ADARB2: variants seen among roughly 807,000 people sequenced by gnomAD.
ADARB2 encodes adenosine deaminase RNA specific B2 (inactive).
In ADARB2, 25 loss-of-function variants were observed where a neutral mutation model predicts 62.2. That is an observed-to-expected ratio of 0.40 (90% CI 0.29 to 0.56). The LOEUF is 0.56. ADARB2 is among the 20% of genes least tolerant of loss of function. The pLI is 0.43. For missense variants in ADARB2, 1,071 were observed against 1,077.4 expected, an observed-to-expected ratio of 0.99 and a Z score of 0.08; for synonymous variants, 572 against 500.8, an observed-to-expected ratio of 1.14 and a Z score of -1.90.
intron 1 of ADARB2, among the ~76,000 whole-genome samples, chr10:1,733,801 C>T (rs924793447): frequency 1.3e-5 from 2 of 152,120 alleles, no homozygotes; most frequent in African/African-American, 4.8e-5. Flanking sequence ...AGTGCAATCT[C>T]CTGGTACTGT....
chr10:1,465,408 G>A (rs1266004492), intron 1 of ADARB2, among the ~76,000 whole-genome samples: 1 of 152,228 alleles, frequency 6.6e-6, no homozygotes, highest in Non-Finnish European at 1.5e-5. Context: ...AAGCAGCCAG[G>A]GCTTCTCTTA....
At chr10:1,411,751 A>T (rs1236052826) in intron 1 of ADARB2, among the ~76,000 whole-genome samples, 1 of 152,152 alleles carries the variant, frequency 6.6e-6, no homozygotes, top group East Asian at 1.9e-4. Flanking sequence ...TGCTTCCTGA[A>T]ACGCCATTTA....
At chr10:1,730,105 G>A (rs1162700453) in intron 1 of ADARB2, among the ~76,000 whole-genome samples, 1 of 152,202 alleles carries the variant, frequency 6.6e-6, no homozygotes. Context: ...AGAGGCCCTA[G>A]AGAAGTGGGT....
At chr10:1,573,869 A>G (rs1401130852) in intron 1 of ADARB2, among the ~76,000 whole-genome samples, 1 of 152,192 alleles carries the variant, frequency 6.6e-6, no homozygotes, top group African/African-American at 2.4e-5. Flanking sequence ...TCAACTGGCC[A>G]TAGAGGTCAG....
In ADARB2 at chr10:1,593,266, C is replaced by T. The variant is rs1339842157; in HGVS notation, c.100+143785G>A. Among the ~76,000 whole-genome samples the T allele has an allele frequency of 1.3e-4, 18 of 140,138 alleles. 1 individual carries two copies. Among genetic ancestry groups the T allele is most frequent in the African/African-American group, 4.0e-4 (14 of 34,918 alleles). The allele number at this position is 140,138 out of a possible 152,430, so 91.9% of individuals were successfully genotyped here. On this transcript the variant is annotated intron_variant, in intron 1 of 9. Coordinates refer to ENST00000381312, the MANE Select transcript of ADARB2 (RefSeq NM_018702.4). ...TGGTCCCCTCTGTCACCCAGCTTCC[C>T]TCACCCAAGCCACCCTCCATAGGTC...
At chr10:1,652,154 G>A (rs1039316835) in intron 1 of ADARB2, among the ~76,000 whole-genome samples, 5 of 152,186 alleles carry the variant, frequency 3.3e-5, no homozygotes, top group African/African-American at 4.8e-5. Context: ...AAAGCAAAGC[G>A]GGTCTGTCCC....
At chr10:1,248,816 G>A (rs1378697449) in intron 4 of ADARB2, among the ~76,000 whole-genome samples, 1 of 152,210 alleles carries the variant, frequency 6.6e-6, no homozygotes, top group Non-Finnish European at 1.5e-5. Flanking sequence ...AGAATAAGTG[G>A]AAAAGCTGGC....
At chr10:1,351,632 A>G (rs1379626208) in intron 3 of ADARB2, among the ~76,000 whole-genome samples, 1 of 151,876 alleles carries the variant, frequency 6.6e-6, no homozygotes, top group Non-Finnish European at 1.5e-5. Context: ...CACAAGTATA[A>G]GATACCTCTA....
intron 1 of ADARB2, among the ~76,000 whole-genome samples, chr10:1,556,255 A>G (rs1832699868): frequency 1.1e-5 from 1 of 87,776 alleles, no homozygotes. Flanking sequence ...CTCTCAAACA[A>G]AAAGTCTTTT....
At chr10:1,282,209 G>A (rs1417103495) in intron 3 of ADARB2, among the ~76,000 whole-genome samples, 2 of 152,042 alleles carry the variant, frequency 1.3e-5, no homozygotes, top group East Asian at 1.9e-4. Context: ...CTGTCCTTTC[G>A]AGACCACCTT....
intron 1 of ADARB2, among the ~76,000 whole-genome samples, chr10:1,502,805 C>G (rs538590491): frequency 1.3e-5 from 2 of 152,292 alleles, no homozygotes; most frequent in Admixed American, 1.3e-4. Context: ...ATCATGTTGT[C>G]TGGTTATTGC....
intron 4 of ADARB2, among the ~76,000 whole-genome samples, chr10:1,270,105 G>GGGTT (rs1303136790): frequency 6.6e-6 from 1 of 152,202 alleles, no homozygotes; most frequent in African/African-American, 2.4e-5. Flanking sequence ...ACATGGTGCT[G>GGGTT]GGTTCCAGTG....
chr10:1,248,328 G>A (rs1249081089), intron 4 of ADARB2, among the ~76,000 whole-genome samples: 1 of 150,334 alleles, frequency 6.7e-6, no homozygotes, highest in African/African-American at 2.5e-5. Context: ...TGTGAGGCAA[G>A]GGCGTGCAAC....
chr10:1,340,863 A>G (rs61833574), intron 3 of ADARB2, among the ~76,000 whole-genome samples: 90,920 of 100,746 alleles, frequency 0.9, 40,908 homozygotes, highest in South Asian at 0.94. Context: ...GGCAATAACC[A>G]GCATCCACCA....
chr10:1,695,763 TGTAG>T (rs750478879), intron 1 of ADARB2, among the ~76,000 whole-genome samples: 1 of 152,090 alleles, frequency 6.6e-6, no homozygotes, highest in African/African-American at 2.4e-5. Flanking sequence ...AACATGCATG[TGTAG>T]GTGTGTCTGT....
chr10:1,714,053 C>T (rs568220322), intron 1 of ADARB2, among the ~76,000 whole-genome samples: 38 of 152,280 alleles, frequency 2.5e-4, no homozygotes, highest in African/African-American at 8.4e-4. Context: ...GATGGGAAAA[C>T]GTGTCTAGAA....
chr10:1,509,558 T>A (rs539595492), intron 1 of ADARB2, among the ~76,000 whole-genome samples: 1 of 152,326 alleles, frequency 6.6e-6, no homozygotes, highest in African/African-American at 2.4e-5. Context: ...TGTCATTTAG[T>A]CAAAATGCTG....
At chr10:1,251,198 T>C (rs7070097) in intron 4 of ADARB2, among the ~76,000 whole-genome samples, 5,559 of 152,270 alleles carry the variant, frequency 0.037, 364 homozygotes, top group African/African-American at 0.13. Flanking sequence ...TTTCAGCAGG[T>C]GAATGGATAA....
At chr10:1,531,836 CA>C (rs1388361111) in intron 1 of ADARB2, among the ~76,000 whole-genome samples, 3 of 147,596 alleles carry the variant, frequency 2.0e-5, no homozygotes, top group East Asian at 2.0e-4. Context: ...GACTTCATCT[CA>C]AAAAAAAAGA....
Sources: allele counts gnomAD v4.1 joint callset (sites outside exome capture counted in the v4.1 genomes callset), GRCh38; gene constraint gnomAD v4.1.1; transcripts MANE v1.5; gene names NCBI Gene and HGNC (gene_info 2026-07-23, HGNC 2026-07-21).